The following ATAD2 variants were observed in gnomAD, a reference collection of about 807,000 sequenced individuals.
The protein encoded by ATAD2 is ATPase family AAA domain containing 2, also known as ATPase family AAA domain-containing protein 2.
In ATAD2, 62 loss-of-function variants were observed where a neutral mutation model predicts 168.9. That is an observed-to-expected ratio of 0.37 (90% confidence interval 0.30 to 0.45). The LOEUF (loss-of-function observed/expected upper bound fraction) is 0.45, where lower values mean the gene tolerates loss of function less well. Ranked by LOEUF, ATAD2 falls within the 20% of genes least tolerant of loss-of-function variation. The pLI is 1.00. For missense variants in ATAD2, 1,419 were observed against 1,667.8 expected (o/e 0.85, Z 2.60); for synonymous variants, 613 against 571.6 (o/e 1.07, Z -1.03).
chr8:123,345,132 T>C lies in ATAD2; in HGVS notation c.2533-63A>G, dbSNP rs561792309. ...AGCACGTTAATAATGCTAGTTCTAT[T>C]AGTCTGAAACAATGTTTAACCTCCC... On this transcript the variant is annotated intron_variant, in intron 18 of 27. Transcript: ENST00000287394. 221 of 1,451,340 alleles carry C rather than the reference T, an allele frequency of 1.5e-4. 5 individuals are homozygous for C. The South Asian group carries it at 2.9e-3, about 19-fold the overall frequency. The allele number at this position is 1,451,340 out of a possible 1,614,324, so 89.9% of individuals were successfully genotyped here. A position where few individuals can be genotyped will look rare whatever the true frequency, so the allele number is the denominator to read the frequency against.
chr8:123,355,161 TACTC>T (rs1172565029), intron 13 of ATAD2, among the ~76,000 whole-genome samples: 1 of 152,082 alleles, frequency 6.6e-6, no homozygotes, highest in Non-Finnish European at 1.5e-5. Context: ...TATTTTAATT[TACTC>T]ACAGCAATAA....
intron 13 of ATAD2, among the ~76,000 whole-genome samples, chr8:123,353,507 T>C (rs1828540513): frequency 6.6e-6 from 1 of 152,240 alleles, no homozygotes; most frequent in Admixed American, 6.5e-5. Flanking sequence ...TTGTTTCATC[T>C]TCAGCCAGTG....
At chr8:123,366,354 G>A (rs1160197602) in intron 8 of ATAD2, among the ~76,000 whole-genome samples, 6 of 152,186 alleles carry the variant, frequency 3.9e-5, no homozygotes, top group Non-Finnish European at 8.8e-5. Context: ...ACAGTGTGGA[G>A]ATTCCCTAAA....
At position 123,333,952 on chromosome 8, in the gene ATAD2, C is replaced by A. The variant is rs1433571684; in HGVS notation, c.3404G>T (p.Gly1135Val). The A allele has an allele frequency of 1.9e-6, 3 of 1,613,942 alleles. No individual in the cohort carries two copies. The African/African-American group carries it at 4.0e-5, about 22-fold the overall frequency. Residue 1135 changes from glycine (G) to valine (V), a missense_variant, in exon 24 of 28, where the codon GGT (glycine) becomes GTT (valine). Around this residue, in one of 5 missense-constraint regions of ATAD2, gnomAD observed 303 missense variants for 304.3 expected, o/e 1.00. Coordinates refer to ENST00000287394, the MANE Select transcript of ATAD2 (RefSeq NM_014109.4). The part of the protein sequence containing the change: ...VMPKQNSTLV[G>V]DKRSDPEQNE... ...CTGCTCTGGGTCTGATCTTTTATCA[C>A]CAACAAGAGTGGAATTTTGCTTTGG...
intron 1 of ATAD2, among the ~76,000 whole-genome samples, chr8:123,389,701 G>A (rs1010968772): frequency 1.3e-5 from 2 of 151,336 alleles, no homozygotes; most frequent in East Asian, 2.0e-4. Flanking sequence ...TGGAAACAAC[G>A]TCTTCCCTCC....
Position 123,358,674 on chromosome 8 carries a change from T to A in ATAD2, c.1382+547A>T, listed in dbSNP as rs1828718862. On this transcript the variant is annotated intron_variant, in intron 11 of 27. Coordinates refer to ENST00000287394, the MANE Select transcript of ATAD2 (RefSeq NM_014109.4). ...TTCTAATTTTTTAAATTACAAAATT[T>A]AATTTAAAACCCACCAGTGTTTACC... Among the ~76,000 whole-genome samples the A allele has an allele frequency of 2.0e-5, 3 of 150,568 alleles. No homozygotes were observed. The South Asian group carries it at 6.3e-4, about 32-fold the overall frequency.
chr8:123,362,414 CTTTTT>C (rs561886419), intron 8 of ATAD2, among the ~76,000 whole-genome samples: 5 of 143,686 alleles, frequency 3.5e-5, no homozygotes, highest in Non-Finnish European at 7.7e-5. Context: ...AATCAAATAA[CTTTTT>C]TTTTTTTTTG....
At position 123,369,043 on chromosome 8, in the gene ATAD2, A is replaced by G. The variant is rs570668266; in HGVS notation, c.1049+15T>C. On this transcript the variant is annotated intron_variant, in intron 8 of 27. Coordinates refer to ENST00000287394, the MANE Select transcript of ATAD2 (RefSeq NM_014109.4). Reference sequence around the variant, plus strand: ...ATTATGTTGTCATAAATCAATCACTATATCAGAACCAAACCTGTTCATTCG... The same window carrying G: ...ATTATGTTGTCATAAATCAATCACTGTATCAGAACCAAACCTGTTCATTCG... The G allele has an allele frequency of 2.3e-5, 33 of 1,445,392 alleles. No individual in the cohort carries two copies. The highest frequency in any genetic ancestry group is 1.0e-4 in the South Asian group (8 of 78,718). 89.5% of individuals were successfully genotyped at this position (1,445,392 alleles called of 1,614,324 possible). A position where few individuals can be genotyped will look rare whatever the true frequency, so the allele number is the denominator to read the frequency against.
At chr8:123,347,932 C>T (rs761984012) in intron 15 of ATAD2, 7 of 508,870 alleles carry the variant, frequency 1.4e-5, no homozygotes, top group South Asian at 1.2e-4. Flanking sequence ...ATCTACTCTG[C>T]CCCTGATGGC....
At chr8:123,332,107 C>T (rs1827790801) in intron 24 of ATAD2, among the ~76,000 whole-genome samples, 1 of 152,102 alleles carries the variant, frequency 6.6e-6, no homozygotes, top group Non-Finnish European at 1.5e-5. Context: ...ATAAAATAGA[C>T]TACTGTCTAT....
intron 6 of ATAD2, 43 bp downstream of exon 6, chr8:123,370,860 C>T: frequency 6.8e-7 from 1 of 1,460,052 alleles, no homozygotes; most frequent in East Asian, 2.3e-5. Flanking sequence ...ATAAAAAGTT[C>T]TTAAATTCAA....
chr8:123,366,485 G>A (rs957330076), intron 8 of ATAD2, among the ~76,000 whole-genome samples: 2 of 152,106 alleles, frequency 1.3e-5, no homozygotes, highest in Non-Finnish European at 2.9e-5. Flanking sequence ...AGCACAATTC[G>A]CAATTGCAAA....
chr8:123,339,579 C>T, intron 19 of ATAD2, 133 bp from the exon 20 acceptor site: 3 of 822,254 alleles, frequency 3.6e-6, no homozygotes, highest in East Asian at 2.7e-5. Context: ...CTCCACTTAA[C>T]AATCGGGTTA....
At chr8:123,372,243 A>G (rs985695823) in intron 3 of ATAD2, among the ~76,000 whole-genome samples, 4 of 152,244 alleles carry the variant, frequency 2.6e-5, no homozygotes, top group African/African-American at 7.2e-5. Context: ...AAGAAGCCAA[A>G]CAAAGAATAA....
intron 22 of ATAD2, among the ~76,000 whole-genome samples, chr8:123,334,904 A>C (rs1360866970): frequency 6.6e-6 from 1 of 152,230 alleles, no homozygotes; most frequent in Admixed American, 6.5e-5. Flanking sequence ...ATTCACTCCC[A>C]GGTTATACAG....
intron 27 of ATAD2, among the ~76,000 whole-genome samples, chr8:123,322,314 C>T (rs1383887804): frequency 6.6e-6 from 1 of 152,158 alleles, no homozygotes; most frequent in East Asian, 1.9e-4. Flanking sequence ...AGCTATTATT[C>T]TTCATTAATA....
chr8:123,396,701 G>A (rs115547560), upstream of ATAD2, among the ~76,000 whole-genome samples: 974 of 152,286 alleles, frequency 6.4e-3, 11 homozygotes, highest in African/African-American at 0.022. Context: ...GGAAGGAGAC[G>A]GTGGGAGCGG....
rs1813025998 is a variant in ATAD2, at chr8:123,402,968, G to A, written c.-2281-1793C>T. The stretch of plus-strand genomic sequence containing the variant: ...TCTCCTGGTGATTCTTATCCACAGA[G>A]TGATTTGTGTCGCGCTGTTCTGGAA... On this transcript the variant is annotated intron_variant, in intron 1 of 28. Transcript: ENST00000521903. The surrounding 1 kb of genome is among the most constrained non-coding windows in gnomAD (Gnocchi z 4.8). 6.6e-6 allele frequency among the ~76,000 whole-genome samples: 1 copy of A among 152,176 alleles called. No individual in the cohort carries two copies. The highest frequency in any genetic ancestry group is 2.4e-5 in the African/African-American group (1 of 41,422).
In ATAD2 at chr8:123,328,556, T is replaced by G. The variant is rs1827680125; in HGVS notation, c.3502A>C (p.Lys1168Gln). ...GTGCCTAAGTACCAGTTTGACTTTT[T>G]GCGAATTTTCCTCTTCAACTGAGCT... ...TPAQLKRKIR[K>Q]KSNWYLGTIK... The change falls in exon 25 of 28, where the codon AAA becomes CAA. Residue 1168 changes from lysine (K) to glutamine (Q), a missense_variant. This residue lies in a region of ATAD2 where 303 missense variants were observed against 304.3 expected (regional missense o/e 1.00). Coordinates refer to ENST00000287394, the MANE Select transcript of ATAD2 (RefSeq NM_014109.4). 1.3e-6 allele frequency: 2 copies of G among 1,541,274 alleles called. No individual in the cohort carries two copies. The highest frequency in any genetic ancestry group is 2.3e-5 in the East Asian group (1 of 43,506).
Sources: allele counts gnomAD v4.1 joint callset (sites outside exome capture counted in the v4.1 genomes callset), GRCh38; gene constraint gnomAD v4.1.1; regional missense constraint gnomAD v4.1.1; non-coding constraint Gnocchi (gnomAD v3.1); transcripts MANE v1.5; gene names NCBI Gene and HGNC (gene_info 2026-07-23, HGNC 2026-07-21).